GRB10: variants seen among roughly 807,000 people sequenced by gnomAD.
The protein encoded by GRB10 is growth factor receptor-bound protein 10.
GRB10 carries 20 observed loss-of-function variants against 80.9 expected under a neutral mutation model. The observed-to-expected ratio is 0.25, with a 90% CI of 0.17 to 0.36. The LOEUF is 0.36. Among genes scored for constraint, GRB10 ranks in the 10% least tolerant of loss-of-function variants. The probability of loss-of-function intolerance (pLI) is 1.00; values close to 1 mark genes in which losing one functional copy is unlikely to be tolerated. For missense variants in GRB10, 548 were observed against 747.7 expected (o/e 0.73, Z 3.12); for synonymous variants, 291 against 291.5 (o/e 1.00, Z 0.02).
At chr7:50,728,220 G>C (rs957572184) in intron 4 of GRB10, among the ~76,000 whole-genome samples, 1 of 151,306 alleles carries the variant, frequency 6.6e-6, no homozygotes, top group Non-Finnish European at 1.5e-5. Flanking sequence ...AGTATGGGGG[G>C]GGGGTGTAGT....
intron 7 of GRB10, among the ~76,000 whole-genome samples, chr7:50,660,337 G>A (rs1455968919): frequency 2.0e-5 from 3 of 152,250 alleles, no homozygotes; most frequent in African/African-American, 7.2e-5. Context: ...CATGCAGGAA[G>A]GGAGGTAGGG....
chr7:50,674,755 C>G, intron 5 of GRB10, 97 bp from the exon 6 acceptor site: 1 of 1,011,558 alleles, frequency 9.9e-7, no homozygotes, highest in Non-Finnish European at 1.5e-6. Flanking sequence ...AAACCTCAAT[C>G]CTATTTTTCA....
chr7:50,752,662 T>C (rs1047193165), intron 3 of GRB10, among the ~76,000 whole-genome samples: 3 of 152,078 alleles, frequency 2.0e-5, no homozygotes, highest in East Asian at 3.9e-4. Flanking sequence ...TGCCCTCCTG[T>C]GTGAGTAAGA....
chr7:50,610,427 G>T (rs1469018970), intron 13 of GRB10, among the ~76,000 whole-genome samples: 1 of 152,190 alleles, frequency 6.6e-6, no homozygotes, highest in Non-Finnish European at 1.5e-5. Flanking sequence ...TATAAGAATA[G>T]TACCTAAGAC....
intron 6 of GRB10, among the ~76,000 whole-genome samples, chr7:50,670,294 G>A (rs77315740): frequency 0.044 from 6,721 of 152,130 alleles, 504 homozygotes; most frequent in African/African-American, 0.15. Context: ...ATGGGGAATC[G>A]CTGTTTATTG....
At chr7:50,676,904 G>A (rs1406352883) in intron 5 of GRB10, among the ~76,000 whole-genome samples, 2 of 152,172 alleles carry the variant, frequency 1.3e-5, no homozygotes. Context: ...GAGGACAGAA[G>A]GGAGGCTGCT....
chr7:50,678,612 A>T (rs2061211903), intron 5 of GRB10, among the ~76,000 whole-genome samples: 1 of 152,240 alleles, frequency 6.6e-6, no homozygotes, highest in South Asian at 2.1e-4. Context: ...TAAATCTTCC[A>T]AACAGGGGTT....
chr7:50,622,789 T>C (rs898856844), intron 8 of GRB10, among the ~76,000 whole-genome samples: 10 of 121,470 alleles, frequency 8.2e-5, no homozygotes, highest in Admixed American at 5.0e-4. Flanking sequence ...TCCTTTTATC[T>C]TTTTTTTTTT....
At chr7:50,628,382 G>A (rs2053378817) in intron 7 of GRB10, among the ~76,000 whole-genome samples, 1 of 152,200 alleles carries the variant, frequency 6.6e-6, no homozygotes, top group Non-Finnish European at 1.5e-5. Context: ...TCTGAACTTT[G>A]ATTTCTGTGG....
At position 50,592,433 on chromosome 7, in the gene GRB10, G is replaced by A. The variant is rs906545021; in HGVS notation, c.*519C>T. ...TGTGGAGGACCCTCTGGGAACATTT[G>A]GGGACCCATATTCAGTTTGAAATCT... On this transcript the variant is annotated 3_prime_UTR_variant, in exon 19 of 19. Coordinates refer to ENST00000401949, the MANE Select transcript of GRB10 (RefSeq NM_001350814.2). 2 of 164,288 alleles carry A rather than the reference G, an allele frequency of 1.2e-5. No homozygotes were observed. The highest frequency in any genetic ancestry group is 4.8e-5 in the African/African-American group (2 of 41,614). The allele number at this position is 164,288 out of a possible 1,614,324, so 10.2% of individuals were successfully genotyped here.
At chr7:50,724,414 A>T (rs1166439114) in intron 4 of GRB10, among the ~76,000 whole-genome samples, 1 of 152,234 alleles carries the variant, frequency 6.6e-6, no homozygotes, top group African/African-American at 2.4e-5. Flanking sequence ...ATTGCTATAA[A>T]ATCTCTAAAC....
chr7:50,765,042 T>C (rs1353777942), intron 2 of GRB10, among the ~76,000 whole-genome samples: 2 of 152,064 alleles, frequency 1.3e-5, no homozygotes, highest in African/African-American at 4.8e-5. Flanking sequence ...AAAGAAGACA[T>C]ACAAAGAGCC....
At chr7:50,615,902 C>T (rs1198749362) in intron 11 of GRB10, among the ~76,000 whole-genome samples, 1 of 152,202 alleles carries the variant, frequency 6.6e-6, no homozygotes, top group Non-Finnish European at 1.5e-5. Flanking sequence ...TAAATCCCAA[C>T]TTATGAGAAC....
intron 4 of GRB10, among the ~76,000 whole-genome samples, chr7:50,719,493 G>A (rs58653814): frequency 6.6e-6 from 1 of 151,102 alleles, no homozygotes; most frequent in Non-Finnish European, 1.5e-5. Context: ...GTGGACACAG[G>A]GAGGGGCACA....
At chr7:50,705,467 T>C (rs1587172487) in intron 4 of GRB10, 2 of 210,738 alleles carry the variant, frequency 9.5e-6, no homozygotes, top group Non-Finnish European at 1.6e-5. Context: ...TAAAAATTTA[T>C]ATTTTTGTAT....
chr7:50,739,998 C>G (rs556827165), intron 3 of GRB10, among the ~76,000 whole-genome samples: 1 of 152,174 alleles, frequency 6.6e-6, no homozygotes, highest in South Asian at 2.1e-4. Context: ...CTAGCCAGCC[C>G]GGAAACTGTG....
At position 50,694,269 on chromosome 7, in the gene GRB10, A is replaced by T. The variant is rs558832908; in HGVS notation, c.139+9552T>A. The stretch of plus-strand genomic sequence containing the variant: ...AACCTGGGAGGTGGAGGTTGCAGTG[A>T]TCCAAGATAGTGCCACTGCACTCTA... On this transcript the variant is annotated intron_variant, in intron 5 of 18. Coordinates refer to ENST00000401949, the MANE Select transcript of GRB10 (RefSeq NM_001350814.2). Among the ~76,000 whole-genome samples, 318 of 152,334 alleles carry T rather than the reference A, an allele frequency of 2.1e-3. 1 individual carries two copies. Among genetic ancestry groups the T allele is most frequent in the African/African-American group, 7.3e-3 (304 of 41,582 alleles).
At chr7:50,739,350 C>T (rs1962391) in intron 3 of GRB10, among the ~76,000 whole-genome samples, 99,114 of 152,082 alleles carry the variant, frequency 0.65, 35,446 homozygotes, top group Middle Eastern at 0.84. Context: ...CTCTTAGGCC[C>T]TCACCTCGCA....
At chr7:50,714,520 G>A (rs576367527) in intron 4 of GRB10, among the ~76,000 whole-genome samples, 86 of 152,164 alleles carry the variant, frequency 5.7e-4, no homozygotes, top group African/African-American at 2.0e-3. Flanking sequence ...AAAATTAGAC[G>A]GGTGTGGTGG....
Sources: allele counts gnomAD v4.1 joint callset (sites outside exome capture counted in the v4.1 genomes callset), GRCh38; gene constraint gnomAD v4.1.1; transcripts MANE v1.5; gene names NCBI Gene and HGNC (gene_info 2026-07-23, HGNC 2026-07-21).